The following FTCDNL1 variants were observed in gnomAD, a reference collection of about 807,000 sequenced individuals.
The protein encoded by FTCDNL1 is formiminotransferase N-terminal subdomain-containing protein.
A neutral mutation model predicts 5.9 loss-of-function variants in FTCDNL1; 11 were observed. The ratio of observed to expected loss-of-function variants is 1.87; its 90% CI spans 1.18 to 3.10. FTCDNL1 has a LOEUF of 3.10. Ranked by LOEUF, FTCDNL1 falls within the 30% of genes most tolerant of loss-of-function variation. The probability of loss-of-function intolerance (pLI) is 0.00; values close to 1 mark genes in which losing one functional copy is unlikely to be tolerated. For missense variants in FTCDNL1, 115 were observed against 65.5 expected (o/e 1.76, Z -2.61); for synonymous variants, 58 against 24.8 (o/e 2.34, Z -3.99).
the FTCDNL1 span, among the ~76,000 whole-genome samples, chr2:199,669,967 T>C: frequency 6.6e-6 from 1 of 152,192 alleles, no homozygotes; most frequent in East Asian, 1.9e-4. Flanking sequence ...AATGAGTTTT[T>C]TCCTAGTTTT....
chr2:199,763,120 T>A (rs1391816811), intron 3 of FTCDNL1, among the ~76,000 whole-genome samples: 1 of 152,226 alleles, frequency 6.6e-6, no homozygotes, highest in African/African-American at 2.4e-5. Context: ...CAAAAAGCAC[T>A]GCTCAGGGCC....
intron 3 of FTCDNL1, among the ~76,000 whole-genome samples, chr2:199,840,480 G>A (rs562093660): frequency 3.3e-5 from 5 of 152,236 alleles, no homozygotes; most frequent in African/African-American, 1.2e-4. Flanking sequence ...GTGTTTGTGT[G>A]AGTGTGTGTG....
At chr2:199,780,231 A>G (rs867151111) in intron 3 of FTCDNL1, among the ~76,000 whole-genome samples, 1 of 152,170 alleles carries the variant, frequency 6.6e-6, no homozygotes, top group Admixed American at 6.5e-5. Flanking sequence ...AGGATAGGGC[A>G]GGGGGCTGCT....
At chr2:199,683,683 T>A in the FTCDNL1 span, among the ~76,000 whole-genome samples, 7 of 152,050 alleles carry the variant, frequency 4.6e-5, no homozygotes, top group African/African-American at 1.7e-4. Flanking sequence ...TATTTTCTTT[T>A]GATCCTAAAT....
chr2:199,745,296 T>G, the FTCDNL1 span, among the ~76,000 whole-genome samples: 2 of 152,262 alleles, frequency 1.3e-5, no homozygotes, highest in Non-Finnish European at 2.9e-5. Context: ...GTTTACATTT[T>G]ATTGTAAGCC....
chr2:199,841,915 T>G (rs2106633923), intron 3 of FTCDNL1, among the ~76,000 whole-genome samples: 1 of 152,282 alleles, frequency 6.6e-6, no homozygotes, highest in Middle Eastern at 3.4e-3. Context: ...ACTTCAGTGG[T>G]TACCACTGCC....
chr2:199,680,681 T>G, the FTCDNL1 span, among the ~76,000 whole-genome samples: 1 of 152,200 alleles, frequency 6.6e-6, no homozygotes, highest in Admixed American at 6.5e-5. Flanking sequence ...AAGATTGCCA[T>G]GGGCCGCATC....
At chr2:199,715,067 C>G in the FTCDNL1 span, among the ~76,000 whole-genome samples, 1 of 151,828 alleles carries the variant, frequency 6.6e-6, no homozygotes, top group South Asian at 2.1e-4. Flanking sequence ...ACATTGTGCA[C>G]ATGTACCCTA....
At chr2:199,678,294 A>T in the FTCDNL1 span, among the ~76,000 whole-genome samples, 1 of 152,160 alleles carries the variant, frequency 6.6e-6, no homozygotes, top group Admixed American at 6.6e-5. Context: ...ATGAAAGTCC[A>T]TTCCAAATGG....
chr2:199,669,848 T>C, the FTCDNL1 span, among the ~76,000 whole-genome samples: 4 of 150,642 alleles, frequency 2.7e-5, no homozygotes, highest in Non-Finnish European at 5.9e-5. Context: ...TACATAAAGA[T>C]AATATTTTAT....
intron 4 of FTCDNL1, among the ~76,000 whole-genome samples, chr2:199,815,828 C>T (rs1424537282): frequency 1.3e-5 from 2 of 151,818 alleles, no homozygotes; most frequent in African/African-American, 4.8e-5. Context: ...GGTGAAACCC[C>T]GTCTCTACTA....
At chr2:199,720,787 A>G in the FTCDNL1 span, among the ~76,000 whole-genome samples, 2 of 151,584 alleles carry the variant, frequency 1.3e-5, no homozygotes, top group South Asian at 2.1e-4. Flanking sequence ...CCAAGTAGAC[A>G]TATCTTTTTT....
the FTCDNL1 span, among the ~76,000 whole-genome samples, chr2:199,724,712 T>C: frequency 2.6e-5 from 4 of 152,138 alleles, no homozygotes; most frequent in African/African-American, 9.7e-5. Flanking sequence ...TTTTTAAATC[T>C]TGAGTTCTAA....
chr2:199,842,938 C>CAAAA (rs34781142), intron 3 of FTCDNL1, among the ~76,000 whole-genome samples: 2 of 104,492 alleles, frequency 1.9e-5, no homozygotes, highest in Non-Finnish European at 3.8e-5. Context: ...CATGCTGTTA[C>CAAAA]AAAAAAAAAA....
intron 3 of FTCDNL1, among the ~76,000 whole-genome samples, chr2:199,761,140 C>A (rs1296176129): frequency 6.6e-6 from 1 of 152,212 alleles, no homozygotes; most frequent in Non-Finnish European, 1.5e-5. Flanking sequence ...CTGCTCCCTG[C>A]ACAGAGTAAG....
the FTCDNL1 span, among the ~76,000 whole-genome samples, chr2:199,691,108 C>T: frequency 2.0e-5 from 3 of 152,122 alleles, no homozygotes; most frequent in Non-Finnish European, 2.9e-5. Context: ...TGCTATAGTG[C>T]ATTTGTTTTT....
intron 3 of FTCDNL1, among the ~76,000 whole-genome samples, chr2:199,801,807 G>A (rs564323431): frequency 6.6e-5 from 10 of 151,550 alleles, no homozygotes; most frequent in Admixed American, 1.3e-4. Context: ...GCGTAGCGCC[G>A]GGTGCCTGTA....
At chr2:199,700,953 C>T in the FTCDNL1 span, among the ~76,000 whole-genome samples, 1 of 152,006 alleles carries the variant, frequency 6.6e-6, no homozygotes, top group Admixed American at 6.5e-5. Context: ...GCTGCCAGTG[C>T]TCATTTAATT....
At chr2:199,692,385 A>G in the FTCDNL1 span, among the ~76,000 whole-genome samples, 1 of 152,240 alleles carries the variant, frequency 6.6e-6, no homozygotes. Flanking sequence ...TAATATCACT[A>G]TAACTCATTA....
Sources: gnomAD v4.1 joint callset for allele counts (sites outside exome capture counted in the v4.1 genomes callset) on GRCh38, gnomAD v4.1.1 for gene constraint, MANE v1.5 for transcripts, NCBI Gene and HGNC (gene_info 2026-07-23, HGNC 2026-07-21) for gene names.